GFRA2: variants seen among roughly 807,000 people sequenced by gnomAD.
GFRA2 encodes GDNF family receptor alpha 2.
In GFRA2, 17 loss-of-function variants were observed where a neutral mutation model predicts 48.3. That is an observed-to-expected ratio of 0.35 (90% CI 0.24 to 0.53). GFRA2 has a LOEUF of 0.53. Among genes scored for constraint, GFRA2 ranks in the 20% least tolerant of loss-of-function variants. GFRA2 has a pLI of 0.93. For missense variants in GFRA2, 660 were observed against 637.3 expected, an observed-to-expected ratio of 1.04 and a Z score of -0.38; for synonymous variants, 305 against 257.2, an observed-to-expected ratio of 1.19 and a Z score of -1.78.
chr8:21,735,643 G>C (rs1044687100), intron 4 of GFRA2, among the ~76,000 whole-genome samples: 7 of 152,130 alleles, frequency 4.6e-5, no homozygotes, highest in East Asian at 1.9e-4. Context: ...CAACAATATA[G>C]CCAGGTGCTC....
Position 21,733,387 on chromosome 8 carries a change from A to C in GFRA2, c.794+17201T>G, listed in dbSNP as rs149559360. 1.7e-3 allele frequency among the ~76,000 whole-genome samples: 256 copies of C among 152,310 alleles called. 1 individual carries two copies. Among genetic ancestry groups the C allele is most frequent in the Middle Eastern group, 6.8e-3 (2 of 294 alleles). ...GAGAGGAGGGTCCTTTCTCATGAGA[A>C]TGAGCAGATGACAACTCACTGCATT... On this transcript the variant is annotated intron_variant, in intron 4 of 8. Coordinates refer to ENST00000524240, the MANE Select transcript of GFRA2 (RefSeq NM_001495.5).
At chr8:21,793,161 G>T (rs1807606833), upstream of GFRA2, among the ~76,000 whole-genome samples, 1 of 152,178 alleles carries the variant, frequency 6.6e-6, no homozygotes, top group South Asian at 2.1e-4. Flanking sequence ...GTCCAATTGG[G>T]GTGCTCAAGT....
intron 4 of GFRA2, among the ~76,000 whole-genome samples, chr8:21,724,968 C>T (rs1803788514): frequency 6.6e-6 from 1 of 152,202 alleles, no homozygotes; most frequent in African/African-American, 2.4e-5. Flanking sequence ...AGTCCCTGGA[C>T]ACCAGCACAA....
intron 4 of GFRA2, among the ~76,000 whole-genome samples, chr8:21,712,372 C>T (rs1303496952): frequency 1.4e-4 from 21 of 145,210 alleles, no homozygotes; most frequent in Non-Finnish European, 2.3e-4. Flanking sequence ...CCAGACGGGG[C>T]GGCGGGGCAG....
intron 4 of GFRA2, among the ~76,000 whole-genome samples, chr8:21,725,196 A>G (rs1229805766): frequency 1.3e-5 from 2 of 152,244 alleles, no homozygotes; most frequent in Non-Finnish European, 2.9e-5. Context: ...GTTCATCCCA[A>G]GAAGATTCCT....
chr8:21,733,007 G>T (rs1284209680), intron 4 of GFRA2, among the ~76,000 whole-genome samples: 1 of 152,184 alleles, frequency 6.6e-6, no homozygotes, highest in Non-Finnish European at 1.5e-5. Flanking sequence ...TTGCACCCAG[G>T]TTCTTCTGAG....
intron 6 of GFRA2, among the ~76,000 whole-genome samples, chr8:21,703,628 T>C (rs1802594170): frequency 1.3e-5 from 2 of 152,206 alleles, no homozygotes; most frequent in African/African-American, 4.8e-5. Context: ...TCCCTCATAT[T>C]GCAGCCTTGA....
chr8:21,774,843 T>C, intron 3 of GFRA2, 129 bp downstream of exon 3: 1 of 651,084 alleles, frequency 1.5e-6, no homozygotes. Context: ...TCAGAACCGT[T>C]GAGGGACGAG....
intron 2 of GFRA2, among the ~76,000 whole-genome samples, 188 bp downstream of exon 2, chr8:21,782,397 C>A (rs1807038331): frequency 6.6e-6 from 1 of 151,140 alleles, no homozygotes; most frequent in East Asian, 2.0e-4. Context: ...TGGCCTTTTC[C>A]AAACAATGCC....
At chr8:21,729,504 C>G (rs959246697) in intron 4 of GFRA2, among the ~76,000 whole-genome samples, 3 of 152,172 alleles carry the variant, frequency 2.0e-5, no homozygotes, top group African/African-American at 7.2e-5. Flanking sequence ...AGACGCCCCC[C>G]TGCCCTTCCT....
At chr8:21,746,821 G>T (rs187450311) in intron 4 of GFRA2, among the ~76,000 whole-genome samples, 3 of 151,388 alleles carry the variant, frequency 2.0e-5, no homozygotes, top group African/African-American at 7.3e-5. Context: ...GAAGGAAAAA[G>T]AAAAAATGCT....
chr8:21,751,890 TCA>T (rs2117600570), intron 3 of GFRA2, among the ~76,000 whole-genome samples: 1 of 152,166 alleles, frequency 6.6e-6, no homozygotes, highest in South Asian at 2.1e-4. Flanking sequence ...CTGGAAGAGC[TCA>T]CAACTCCAGC....
chr8:21,708,069 C>G (rs1041340062), intron 4 of GFRA2, among the ~76,000 whole-genome samples: 15 of 152,336 alleles, frequency 9.8e-5, no homozygotes, highest in East Asian at 5.8e-4. Flanking sequence ...AGAGCTCCAA[C>G]AAGGTGGGCA....
intron 4 of GFRA2, among the ~76,000 whole-genome samples, chr8:21,746,629 T>C (rs1805018772): frequency 6.6e-6 from 1 of 152,036 alleles, no homozygotes; most frequent in South Asian, 2.1e-4. Context: ...AAGAAGCTCA[T>C]CTGCTTGGCT....
chr8:21,768,067 C>G (rs1461715457), intron 3 of GFRA2, among the ~76,000 whole-genome samples: 1 of 152,198 alleles, frequency 6.6e-6, no homozygotes, highest in Non-Finnish European at 1.5e-5. Context: ...GCCCCAAGCG[C>G]CGTGAGAGTC....
intron 2 of GFRA2, chr8:21,780,938 A>G (rs1021176739): frequency 2.6e-5 from 4 of 151,996 alleles, no homozygotes; most frequent in Non-Finnish European, 4.4e-5. Flanking sequence ...CCTGTGCAAC[A>G]TAACGAGACC....
At chr8:21,737,535 G>T (rs1365975391) in intron 4 of GFRA2, among the ~76,000 whole-genome samples, 1 of 152,114 alleles carries the variant, frequency 6.6e-6, no homozygotes, top group African/African-American at 2.4e-5. Context: ...GGGAGCCCCT[G>T]CCTGTTCAGT....
At position 21,739,139 on chromosome 8, in the gene GFRA2, G is replaced by C. The variant is rs142545868; in HGVS notation, c.794+11449C>G. ...CTCCTGGACTCAGAGAATGTGTCTT[G>C]GACCAGGGAGAGTAGGGACAGTGAT... On this transcript the variant is annotated intron_variant, in intron 4 of 8. Coordinates refer to ENST00000524240, the MANE Select transcript of GFRA2 (RefSeq NM_001495.5). 2.1e-3 allele frequency among the ~76,000 whole-genome samples: 321 copies of C among 152,280 alleles called. 1 individual carries two copies. Among genetic ancestry groups the C allele is most frequent in the Non-Finnish European group, 3.2e-3 (221 of 68,022 alleles).
At chr8:21,789,115 CGGT>C (rs1170137905), upstream of GFRA2, 59 of 167,666 alleles carry the variant, frequency 3.5e-4, no homozygotes, top group African/African-American at 1.3e-3. Flanking sequence ...GTGGCGGTGG[CGGT>C]GGCGGCGGCG....
Sources: allele counts gnomAD v4.1 joint callset (sites outside exome capture counted in the v4.1 genomes callset), GRCh38; gene constraint gnomAD v4.1.1; transcripts MANE v1.5; gene names NCBI Gene and HGNC (gene_info 2026-07-23, HGNC 2026-07-21).